The following CYTIP variants were observed in gnomAD, a reference collection of about 807,000 sequenced individuals.
CYTIP encodes the protein cytohesin 1 interacting protein, also known as cytohesin-interacting protein.
A neutral mutation model predicts 43.8 loss-of-function variants in CYTIP; 26 were observed. The ratio of observed to expected loss-of-function variants is 0.59; its 90% CI spans 0.44 to 0.82. CYTIP has a LOEUF of 0.82. CYTIP is among the 40% of genes least tolerant of loss of function. CYTIP has a pLI of 0.00. For synonymous variants in CYTIP, 162 were observed against 162.9 expected, an observed-to-expected ratio of 0.99 and a Z score of 0.04; for missense variants, 426 against 443.1, an observed-to-expected ratio of 0.96 and a Z score of 0.35.
chr2:157,428,231 G>T (rs1445538140), intron 5 of CYTIP, among the ~76,000 whole-genome samples: 1 of 152,166 alleles, frequency 6.6e-6, no homozygotes, highest in Non-Finnish European at 1.5e-5. Context: ...AATTTCATTT[G>T]TGAATCACAC....
Position 157,430,632 on chromosome 2 carries a change from T to G in CYTIP, c.403A>C (p.Asn135His). The change falls in exon 5 of 8, where the codon AAT becomes CAT. Residue 135 changes from asparagine to histidine, a missense_variant. Coordinates refer to ENST00000264192, the MANE Select transcript of CYTIP (RefSeq NM_004288.5). The part of the protein sequence containing the change: ...LQAGDVLANI[N>H]GVSTEGFTYK... ...GTAAAACCTTCTGTGCTCACACCAT[T>G]GATATTTGCAAGGACATCACCTGGG... 1 of 1,614,152 alleles carries G rather than the reference T, an allele frequency of 6.2e-7. No individual in the cohort carries two copies. The highest frequency in any genetic ancestry group is 8.5e-7 in the Non-Finnish European group (1 of 1,180,006).
chr2:157,437,632 G>A (rs764258320), intron 1 of CYTIP, among the ~76,000 whole-genome samples: 25 of 150,968 alleles, frequency 1.7e-4, no homozygotes, highest in Admixed American at 3.3e-4. Context: ...CCCGGGCGGC[G>A]GAGGTTGCAG....
At position 157,427,404 on chromosome 2, in the gene CYTIP, C is replaced by T; in HGVS notation, c.493G>A (p.Gly165Arg). 1 of 1,607,382 alleles carries T rather than the reference C, an allele frequency of 6.2e-7. No individual in the cohort carries two copies. Among genetic ancestry groups the T allele is most frequent in the Non-Finnish European group, 8.5e-7 (1 of 1,177,858 alleles). Residue 165 changes from glycine to arginine, a missense_variant, in exon 6 of 8, where the codon GGA (glycine) becomes AGA (arginine). Coordinates refer to ENST00000264192, the MANE Select transcript of CYTIP (RefSeq NM_004288.5). ...GNLLTIETLN[G>R]TMILKRTELE... ...TCCGTTCTTTTCAGAATCATTGTTCCATTAAGAGTCTCTATCCTGTTTTAA... is the reference window on the plus strand; with the variant it reads ...TCCGTTCTTTTCAGAATCATTGTTCTATTAAGAGTCTCTATCCTGTTTTAA...
chr2:157,424,399 A>T (rs1438099853), intron 6 of CYTIP, among the ~76,000 whole-genome samples: 1 of 152,176 alleles, frequency 6.6e-6, no homozygotes, highest in Admixed American at 6.6e-5. Flanking sequence ...GATGTATAAG[A>T]CCTATATGCA....
chr2:157,433,501 G>A (rs780213521), intron 3 of CYTIP, among the ~76,000 whole-genome samples: 15 of 152,026 alleles, frequency 9.9e-5, no homozygotes, highest in Admixed American at 7.2e-4. Flanking sequence ...AGAGTTTTCT[G>A]AAAGCAGCAG....
At chr2:157,421,996 G>A (rs1351316220) in intron 6 of CYTIP, among the ~76,000 whole-genome samples, 2 of 152,194 alleles carry the variant, frequency 1.3e-5, no homozygotes, top group Admixed American at 1.3e-4. Flanking sequence ...CAGGTTTTCC[G>A]CTTAAGAAAA....
intron 1 of CYTIP, among the ~76,000 whole-genome samples, chr2:157,436,036 G>A (rs754140822): frequency 8.5e-5 from 13 of 152,172 alleles, no homozygotes; most frequent in Non-Finnish European, 1.6e-4. Context: ...TAAACTTAAC[G>A]TAATGGAGAG....
rs1203472982 is a variant in CYTIP, at chr2:157,416,037, T to C, written c.720A>G (p.Leu240=). The C allele has an allele frequency of 1.9e-6, 3 of 1,614,096 alleles. No homozygotes were observed. The highest frequency in any genetic ancestry group is 2.5e-6 in the Non-Finnish European group (3 of 1,180,048). ...AGCTCTTACAGCTGCTCTCACTGGA[T>C]AATCGATTCCGGTCCACAAGGGCTG... The part of the protein sequence containing the change: ...PGPALVDRNR[L]SSESSCKSWL... The change falls in exon 8 of 8, where the codon TTA becomes TTG. Residue 240 remains leucine (L), a synonymous_variant. Transcript: ENST00000264192.
At position 157,430,966 on chromosome 2, in the gene CYTIP, T is replaced by C; in HGVS notation, c.280-4A>G. 2 of 1,597,952 alleles carry C rather than the reference T, an allele frequency of 1.3e-6. No individual in the cohort carries two copies. The highest frequency in any genetic ancestry group is 8.5e-7 in the Non-Finnish European group (1 of 1,174,742). On this transcript the variant is annotated splice_region_variant and splice_polypyrimidine_tract_variant and intron_variant, in intron 3 of 7. Coordinates refer to ENST00000264192, the MANE Select transcript of CYTIP (RefSeq NM_004288.5). ...TCTGATTCTGGGGCCTGTAAGACTGTAAAAATTAAGATGATATATAGTTAC... is the reference window on the plus strand; with the variant it reads ...TCTGATTCTGGGGCCTGTAAGACTGCAAAAATTAAGATGATATATAGTTAC...
intron 1 of CYTIP, among the ~76,000 whole-genome samples, chr2:157,440,820 C>T (rs924909470): frequency 2.0e-5 from 3 of 152,182 alleles, no homozygotes; most frequent in Non-Finnish European, 4.4e-5. Flanking sequence ...TTTCCAAAAG[C>T]AACGTACTAC....
chr2:157,425,490 C>T (rs1290324192), intron 6 of CYTIP, among the ~76,000 whole-genome samples: 4 of 152,076 alleles, frequency 2.6e-5, no homozygotes, highest in Non-Finnish European at 5.9e-5. Context: ...ATAGGGTCTT[C>T]AATGGGCATT....
At chr2:157,434,229 C>T (rs924655140) in intron 3 of CYTIP, 141 bp downstream of exon 3, 5 of 727,492 alleles carry the variant, frequency 6.9e-6, no homozygotes, top group African/African-American at 1.8e-5. Context: ...TGAAAAACTA[C>T]CCCCAAACAG....
chr2:157,417,376 T>C (rs1364165873), intron 7 of CYTIP, among the ~76,000 whole-genome samples: 1 of 152,212 alleles, frequency 6.6e-6, no homozygotes, highest in Non-Finnish European at 1.5e-5. Flanking sequence ...TCAAAAAATA[T>C]GTACAACAAT....
intron 6 of CYTIP, among the ~76,000 whole-genome samples, chr2:157,419,674 T>C (rs1376929142): frequency 6.6e-6 from 1 of 152,210 alleles, no homozygotes; most frequent in Non-Finnish European, 1.5e-5. Flanking sequence ...GGTTTGCCTG[T>C]GGACTCTTAG....
intron 6 of CYTIP, among the ~76,000 whole-genome samples, chr2:157,419,201 C>T (rs956495603): frequency 3.9e-5 from 6 of 152,128 alleles, no homozygotes; most frequent in East Asian, 1.9e-4. Flanking sequence ...GGTTTCACCA[C>T]GCTGGCCAGG....
At chr2:157,434,608 A>AGG (rs1685777440) in intron 2 of CYTIP, 90 bp downstream of exon 2, 4 of 982,360 alleles carry the variant, frequency 4.1e-6, no homozygotes, top group Non-Finnish European at 6.4e-6. Flanking sequence ...AGAGAGAGAG[A>AGG]GAGAGAGAGG....
intron 7 of CYTIP, 83 bp downstream of exon 7, chr2:157,418,440 A>G: frequency 2.2e-6 from 3 of 1,377,406 alleles, no homozygotes; most frequent in African/African-American, 3.0e-5. Flanking sequence ...TCTTATAATG[A>G]TGATAATCTT....
intron 7 of CYTIP, among the ~76,000 whole-genome samples, chr2:157,417,471 T>C (rs745886716): frequency 1.3e-5 from 2 of 152,190 alleles, no homozygotes; most frequent in Non-Finnish European, 2.9e-5. Flanking sequence ...CACTGGGCCA[T>C]TCAGGATGCT....
In CYTIP at chr2:157,434,760, A is replaced by G. The variant is rs368917412; in HGVS notation, c.175-13T>C. The G allele has an allele frequency of 1.2e-5, 19 of 1,607,594 alleles. No individual in the cohort carries two copies. In the African/African-American group the frequency reaches 2.4e-4, roughly 20 times the overall value. ...TGGTCAAAGCAAGCTGAAAAACACA[A>G]AAGACATATAGTTATCCCAGGGTCT... is the stretch of plus-strand genomic sequence containing the variant. On this transcript the variant is annotated splice_polypyrimidine_tract_variant and intron_variant, in intron 1 of 7. Coordinates refer to ENST00000264192, the MANE Select transcript of CYTIP (RefSeq NM_004288.5).
Sources: allele counts gnomAD v4.1 joint callset (sites outside exome capture counted in the v4.1 genomes callset), GRCh38; gene constraint gnomAD v4.1.1; transcripts MANE v1.5; gene names NCBI Gene and HGNC (gene_info 2026-07-23, HGNC 2026-07-21).